Variants in MTMR7 observed in about 807,000 individuals in gnomAD.
The protein encoded by MTMR7 is myotubularin related protein 7.
MTMR7 carries 76 observed loss-of-function variants against 81.2 expected under a neutral mutation model. The observed-to-expected ratio is 0.94, with a 90% CI of 0.78 to 1.13. The LOEUF is 1.13. Among genes scored for constraint, MTMR7 ranks in the 50% most tolerant of loss-of-function variants. MTMR7 has a pLI of 0.00. For missense variants in MTMR7, 1,044 were observed against 820.0 expected, an observed-to-expected ratio of 1.27 and a Z score of -3.34; for synonymous variants, 372 against 289.8, an observed-to-expected ratio of 1.28 and a Z score of -2.88.
rs372034246 is a variant in MTMR7, at chr8:17,302,281, C to A, written c.1494-1G>T. The A allele has an allele frequency of 2.5e-5, 41 of 1,612,492 alleles. No individual in the cohort carries two copies. Among genetic ancestry groups the A allele is most frequent in the Non-Finnish European group, 3.1e-5 (37 of 1,179,456 alleles). Reference sequence around the variant, plus strand: ...GCGGTTATACATTCCACTCCAAAACCTGGAAAGGATGGCAAAGCGTCGTGA... The same window carrying A: ...GCGGTTATACATTCCACTCCAAAACATGGAAAGGATGGCAAAGCGTCGTGA... On this transcript the variant is annotated splice_acceptor_variant, in intron 12 of 13. Coordinates refer to ENST00000180173, the MANE Select transcript of MTMR7 (RefSeq NM_004686.5). LOFTEE classifies it high-confidence loss of function.
rs567083865 is a variant in MTMR7, at chr8:17,316,240, T to G, written c.866-2839A>C. 1.6e-4 allele frequency among the ~76,000 whole-genome samples: 25 copies of G among 152,156 alleles called. No homozygotes were observed. The East Asian group carries it at 4.8e-3, about 29-fold the overall frequency. On this transcript the variant is annotated intron_variant, in intron 7 of 13. Transcript: ENST00000180173. The stretch of plus-strand genomic sequence containing the variant: ...TGTTATTATTTATGTTAGCCCTTAT[T>G]ACTATTATTCTCAAATAATATATAT...
At position 17,388,118 on chromosome 8, in the gene MTMR7, G is replaced by A. The variant is rs537165462; in HGVS notation, c.25-14878C>T. On this transcript the variant is annotated intron_variant, in intron 1 of 13. Transcript: ENST00000180173. ...TACAAACATTATGCCAGCAGCCAACGCTCATAAATAAAAATTCAGGCACTT... is the reference window on the plus strand; with the variant it reads ...TACAAACATTATGCCAGCAGCCAACACTCATAAATAAAAATTCAGGCACTT... Among the ~76,000 whole-genome samples the A allele has an allele frequency of 6.6e-5, 10 of 152,200 alleles. No homozygotes were observed. The South Asian group carries it at 1.7e-3, about 25-fold the overall frequency.
At chr8:17,366,514 G>C (rs191051239) in intron 3 of MTMR7, among the ~76,000 whole-genome samples, 1 of 152,184 alleles carries the variant, frequency 6.6e-6, no homozygotes, top group Admixed American at 6.5e-5. Flanking sequence ...AGAGATGTGA[G>C]CATTTTTTTT....
At chr8:17,368,406 G>A (rs957960420) in intron 3 of MTMR7, among the ~76,000 whole-genome samples, 7 of 152,274 alleles carry the variant, frequency 4.6e-5, no homozygotes, top group South Asian at 2.1e-4. Flanking sequence ...CTTTGTTGGT[G>A]ACTAACCAGA....
intron 5 of MTMR7, among the ~76,000 whole-genome samples, chr8:17,347,195 GAA>G (rs57811867): frequency 1.3e-3 from 141 of 112,424 alleles, no homozygotes; most frequent in Middle Eastern, 5.3e-3. Flanking sequence ...TCTTGTTTCC[GAA>G]AAAAAAAAAA....
intron 10 of MTMR7, among the ~76,000 whole-genome samples, chr8:17,307,429 C>G (rs1410837079): frequency 6.6e-6 from 1 of 152,166 alleles, no homozygotes; most frequent in East Asian, 1.9e-4. Context: ...CACTTTTACA[C>G]TGTTGGTGGG....
At chr8:17,341,759 T>C (rs1296550839) in intron 5 of MTMR7, among the ~76,000 whole-genome samples, 1 of 152,218 alleles carries the variant, frequency 6.6e-6, no homozygotes, top group Non-Finnish European at 1.5e-5. Context: ...TAAGTTATGA[T>C]ATTCAAAACC....
intron 4 of MTMR7, among the ~76,000 whole-genome samples, chr8:17,353,223 G>A (rs1586235523): frequency 6.6e-6 from 1 of 152,114 alleles, no homozygotes; most frequent in African/African-American, 2.4e-5. Flanking sequence ...ACTTATATGA[G>A]GTATCTAAAG....
rs750767646 is a variant in MTMR7, at chr8:17,361,284, A to G, written c.311-10T>C. On this transcript the variant is annotated splice_polypyrimidine_tract_variant and intron_variant, in intron 3 of 13. Coordinates refer to ENST00000180173, the MANE Select transcript of MTMR7 (RefSeq NM_004686.5). ...AACTCCTCATATTTCACTGCAAGAAAAGGTAGGATAAAGTTAAATCAAGCT... is the reference window on the plus strand; with the variant it reads ...AACTCCTCATATTTCACTGCAAGAAGAGGTAGGATAAAGTTAAATCAAGCT... 1 of 1,614,026 alleles carries G rather than the reference A, an allele frequency of 6.2e-7. No individual in the cohort carries two copies. The highest frequency in any genetic ancestry group is 2.2e-5 in the East Asian group (1 of 44,878).
At chr8:17,320,792 C>T (rs1586178713) in intron 7 of MTMR7, among the ~76,000 whole-genome samples, 1 of 152,184 alleles carries the variant, frequency 6.6e-6, no homozygotes. Flanking sequence ...CCCTGAAACA[C>T]GGCCCAGTGG....
chr8:17,413,086 G>A (rs1027474622), intron 1 of MTMR7, among the ~76,000 whole-genome samples, 183 bp downstream of exon 1: 1 of 152,216 alleles, frequency 6.6e-6, no homozygotes, highest in South Asian at 2.1e-4. Flanking sequence ...CTGGGAGGCA[G>A]CAAGAGAACG....
chr8:17,365,458 C>T (rs77896934), intron 3 of MTMR7, among the ~76,000 whole-genome samples: 1 of 152,140 alleles, frequency 6.6e-6, no homozygotes, highest in Non-Finnish European at 1.5e-5. Context: ...AAGGTCATAT[C>T]CCTCACCTGA....
At chr8:17,300,483 C>A (rs954326476) in intron 13 of MTMR7, among the ~76,000 whole-genome samples, 3 of 152,146 alleles carry the variant, frequency 2.0e-5, no homozygotes, top group Non-Finnish European at 4.4e-5. Context: ...TTGAAGCACC[C>A]AGTGAACCCT....
intron 4 of MTMR7, among the ~76,000 whole-genome samples, chr8:17,349,942 GA>G (rs1036848339): frequency 1.3e-5 from 2 of 152,168 alleles, no homozygotes; most frequent in African/African-American, 4.8e-5. Flanking sequence ...CTAATCTCTA[GA>G]AGTGATACTG....
At chr8:17,409,284 C>A (rs190758665) in intron 1 of MTMR7, among the ~76,000 whole-genome samples, 1 of 152,164 alleles carries the variant, frequency 6.6e-6, no homozygotes, top group East Asian at 1.9e-4. Context: ...CATAGTGAAA[C>A]CCCTGTCTCT....
chr8:17,391,380 A>C (rs1332241616), intron 1 of MTMR7, among the ~76,000 whole-genome samples: 4 of 152,184 alleles, frequency 2.6e-5, no homozygotes. Context: ...GTTTTAAAGA[A>C]CTGCAATATT....
chr8:17,318,430 C>G lies in MTMR7; in HGVS notation c.866-5029G>C, dbSNP rs541362590. Among the ~76,000 whole-genome samples the G allele has an allele frequency of 1.6e-4, 24 of 152,180 alleles. No individual in the cohort carries two copies. The South Asian group carries it at 5.0e-3, about 32-fold the overall frequency. On this transcript the variant is annotated intron_variant, in intron 7 of 13. Coordinates refer to ENST00000180173, the MANE Select transcript of MTMR7 (RefSeq NM_004686.5). The stretch of plus-strand genomic sequence containing the variant: ...GAGGAAAAAAGGTACAGGATGAGCA[C>G]CCCAAGACCCCGATATGATAGAACA...
Position 17,361,224 on chromosome 8 carries a change from C to A in MTMR7, c.361G>T (p.Glu121Ter). ...CFSFNPMLDK[E>*]EREQGWVLID... ...AGCACCCAGCCTTGCTCTCTTTCTT[C>A]TTTATCCAGCATGGGGTTGAATGAA... The change falls in exon 4 of 14, where the codon GAA becomes TAA. Residue 121 changes from glutamate (E) to a stop codon, truncating the protein, a stop_gained. Transcript: ENST00000180173. LOFTEE classifies it high-confidence loss of function. 1 of 1,614,206 alleles carries A rather than the reference C, an allele frequency of 6.2e-7. No individual in the cohort carries two copies.
intron 4 of MTMR7, among the ~76,000 whole-genome samples, chr8:17,355,558 C>A: frequency 6.6e-6 from 1 of 150,436 alleles, no homozygotes; most frequent in African/African-American, 2.5e-5. Flanking sequence ...AGCAAACAGA[C>A]CAGGATTAAA....
Sources: allele counts gnomAD v4.1 joint callset (sites outside exome capture counted in the v4.1 genomes callset), GRCh38; gene constraint gnomAD v4.1.1; transcripts MANE v1.5; gene names NCBI Gene and HGNC (gene_info 2026-07-23, HGNC 2026-07-21).